Variants in PTGER3 observed in about 807,000 individuals in gnomAD.
PTGER3 encodes the protein prostaglandin E receptor 3, also known as prostaglandin E2 receptor EP3 subtype.
In PTGER3, 22 loss-of-function variants were observed where a neutral mutation model predicts 34.7. That is an observed-to-expected ratio of 0.63 (90% confidence interval 0.45 to 0.91). The LOEUF (loss-of-function observed/expected upper bound fraction) is 0.91. PTGER3 is among the 40% of genes least tolerant of loss of function. The pLI is 0.00. For missense variants in PTGER3, 468 were observed against 519.4 expected, an observed-to-expected ratio of 0.90 and a Z score of 0.96; for synonymous variants, 241 against 230.1, an observed-to-expected ratio of 1.05 and a Z score of -0.43.
intron 4 of PTGER3, among the ~76,000 whole-genome samples, chr1:70,870,451 A>T (rs1646138539): frequency 6.6e-6 from 1 of 152,210 alleles, no homozygotes; most frequent in South Asian, 2.1e-4. Flanking sequence ...TTTCTCTAGC[A>T]AGTGGTTTCT....
At position 70,903,588 on chromosome 1, in the gene PTGER3, C is replaced by T. The variant is rs536878630; in HGVS notation, c.*23+50175G>A. Reference sequence around the variant, plus strand: ...TTCTATCTCTATCTCCCTGTTTTCACTACGAACCCATGCTTCTTTGGTAAT... The same window carrying T: ...TTCTATCTCTATCTCCCTGTTTTCATTACGAACCCATGCTTCTTTGGTAAT... On this transcript the variant is annotated intron_variant, in intron 4 of 4. Coordinates refer to the PTGER3 transcript ENST00000370931. Among the ~76,000 whole-genome samples the T allele has an allele frequency of 2.0e-5, 3 of 152,284 alleles. No individual in the cohort carries two copies. In the South Asian group the frequency reaches 6.2e-4, roughly 32 times the overall value.
intron 1 of PTGER3, among the ~76,000 whole-genome samples, chr1:71,042,446 T>C (rs1354153447): frequency 1.3e-5 from 2 of 151,978 alleles, no homozygotes; most frequent in Non-Finnish European, 1.5e-5. Flanking sequence ...ATTTCACTCA[T>C]AAATGTGGAA....
intron 4 of PTGER3, among the ~76,000 whole-genome samples, chr1:70,921,680 G>T (rs563925885): frequency 3.9e-5 from 6 of 152,086 alleles, no homozygotes; most frequent in Non-Finnish European, 7.4e-5. Flanking sequence ...AAAATAACTG[G>T]ATGAAGTTTC....
At chr1:71,007,113 A>C (rs1395240282) in intron 2 of PTGER3, 1 of 984,990 alleles carries the variant, frequency 1.0e-6, no homozygotes, top group Non-Finnish European at 1.2e-6. Context: ...CCATTTAATC[A>C]AGTATATAGA....
In PTGER3 at chr1:70,917,439, G is replaced by A. The variant is rs531642423; in HGVS notation, c.*23+36324C>T. ...TGTGTGTGTGTGTGTGTGTGTGTGT[G>A]TGTATACAATCAATTCCATAGAATG... On this transcript the variant is annotated intron_variant, in intron 4 of 4. Coordinates refer to the PTGER3 transcript ENST00000370931. 1.5e-4 allele frequency among the ~76,000 whole-genome samples: 19 copies of A among 130,428 alleles called. No homozygotes were observed. The East Asian group carries it at 1.5e-3, about 10-fold the overall frequency. The allele number at this position is 130,428 out of a possible 152,430, so 85.6% of individuals were successfully genotyped here. A position where few individuals can be genotyped will look rare whatever the true frequency, so the allele number is the denominator to read the frequency against.
chr1:70,936,563 A>T (rs1649249712), intron 4 of PTGER3, among the ~76,000 whole-genome samples: 1 of 152,300 alleles, frequency 6.6e-6, no homozygotes, highest in African/African-American at 2.4e-5. Context: ...CAGACTGAGG[A>T]TCTGACAGAC....
rs527544357 is a variant in PTGER3, at chr1:70,997,531, A to C, written c.1077+14774T>G. Reference sequence around the variant, plus strand: ...TTCGATGAAGTCAATCCAATAATCCAATTATAATTGTTATTAATGACCACC... The same window carrying C: ...TTCGATGAAGTCAATCCAATAATCCCATTATAATTGTTATTAATGACCACC... On this transcript the variant is annotated intron_variant, in intron 2 of 3. Transcript: ENST00000306666. 7.9e-5 allele frequency among the ~76,000 whole-genome samples: 12 copies of C among 152,356 alleles called. No homozygotes were observed. The South Asian group carries it at 2.5e-3, about 32-fold the overall frequency.
At chr1:70,999,498 C>G (rs1364609377) in intron 2 of PTGER3, among the ~76,000 whole-genome samples, 1 of 152,174 alleles carries the variant, frequency 6.6e-6, no homozygotes, top group African/African-American at 2.4e-5. Context: ...ACAAAATGTG[C>G]TCCACTCAAA....
chr1:71,036,840 A>G (rs1252287776), intron 1 of PTGER3, among the ~76,000 whole-genome samples: 1 of 149,746 alleles, frequency 6.7e-6, no homozygotes, highest in African/African-American at 2.4e-5. Flanking sequence ...CTTTGTCTCA[A>G]AAAAAAAAAA....
intron 2 of PTGER3, among the ~76,000 whole-genome samples, chr1:70,986,147 C>T (rs967311086): frequency 3.0e-4 from 46 of 152,266 alleles, no homozygotes; most frequent in Middle Eastern, 3.4e-3. Flanking sequence ...ACGGCAACAA[C>T]AGGAAGTTAC....
At chr1:70,894,316 A>G (rs1433240458) in intron 4 of PTGER3, among the ~76,000 whole-genome samples, 1 of 147,774 alleles carries the variant, frequency 6.8e-6, no homozygotes, top group Non-Finnish European at 1.5e-5. Context: ...TCTCAAAAAA[A>G]AAAAAAAAAA....
At chr1:71,013,045 C>T (rs1028918812) in intron 1 of PTGER3, among the ~76,000 whole-genome samples, 2 of 152,016 alleles carry the variant, frequency 1.3e-5, no homozygotes, top group Admixed American at 1.3e-4. Flanking sequence ...GTAGTATTAC[C>T]ACTTCCTTCT....
At chr1:70,910,638 AC>A (rs1647039945) in intron 4 of PTGER3, among the ~76,000 whole-genome samples, 1 of 152,160 alleles carries the variant, frequency 6.6e-6, no homozygotes, top group African/African-American at 2.4e-5. Context: ...TGATCTAAAA[AC>A]TGTTCAACCT....
intron 1 of PTGER3, among the ~76,000 whole-genome samples, chr1:71,012,727 T>C (rs1453067733): frequency 6.6e-6 from 1 of 152,186 alleles, no homozygotes; most frequent in Non-Finnish European, 1.5e-5. Context: ...CTTCAGGCTC[T>C]TGATTCTTGG....
intron 4 of PTGER3, among the ~76,000 whole-genome samples, chr1:70,925,126 T>C (rs1647928119): frequency 6.6e-6 from 1 of 152,150 alleles, no homozygotes; most frequent in Admixed American, 6.6e-5. Flanking sequence ...TTCCTCAGCC[T>C]CCCGAGTAAC....
At chr1:70,919,630 T>C (rs927200943) in intron 4 of PTGER3, among the ~76,000 whole-genome samples, 1 of 152,202 alleles carries the variant, frequency 6.6e-6, no homozygotes, top group Non-Finnish European at 1.5e-5. Context: ...GTCTGTTAAG[T>C]GGGCATTTGT....
chr1:70,967,414 T>G (rs1652638608), downstream of PTGER3, among the ~76,000 whole-genome samples: 1 of 152,162 alleles, frequency 6.6e-6, no homozygotes, highest in South Asian at 2.1e-4. Context: ...GTGGTTGAGA[T>G]TTAAATAAAA....
downstream of PTGER3, among the ~76,000 whole-genome samples, chr1:70,947,990 C>T (rs566754850): frequency 6.6e-6 from 1 of 152,190 alleles, no homozygotes; most frequent in African/African-American, 2.4e-5. Flanking sequence ...TGCTAGAGAG[C>T]ACAGTCATGG....
downstream of PTGER3, among the ~76,000 whole-genome samples, chr1:70,965,989 C>T (rs1007057202): frequency 2.0e-5 from 3 of 152,022 alleles, no homozygotes; most frequent in Non-Finnish European, 4.4e-5. Flanking sequence ...TATGTTAAAC[C>T]AATAAACTGA....
Sources: allele counts gnomAD v4.1 joint callset (sites outside exome capture counted in the v4.1 genomes callset), GRCh38; gene constraint gnomAD v4.1.1; transcripts MANE v1.5; gene names NCBI Gene and HGNC (gene_info 2026-07-23, HGNC 2026-07-21).